The following CPA6 variants were observed in gnomAD, a reference collection of about 807,000 sequenced individuals.
CPA6 encodes the protein carboxypeptidase A6.
A neutral mutation model predicts 63.3 loss-of-function variants in CPA6; 58 were observed. The ratio of observed to expected loss-of-function variants is 0.92; its 90% CI spans 0.74 to 1.14. CPA6 has a LOEUF of 1.14. CPA6 is among the 50% of genes most tolerant of loss of function. The pLI, the probability that CPA6 is intolerant of heterozygous loss-of-function variation, is 0.00. For missense variants in CPA6, 565 were observed against 526.6 expected (o/e 1.07, Z -0.71); for synonymous variants, 185 against 179.0 (o/e 1.03, Z -0.27).
chr8:67,508,700 C>T (rs1471828591), intron 5 of CPA6, among the ~76,000 whole-genome samples: 5 of 151,926 alleles, frequency 3.3e-5, no homozygotes, highest in African/African-American at 1.2e-4. Flanking sequence ...GCTGGTGAGT[C>T]AAAGTCTGAA....
At chr8:67,601,416 A>C (rs1483782974) in intron 2 of CPA6, among the ~76,000 whole-genome samples, 1 of 152,186 alleles carries the variant, frequency 6.6e-6, no homozygotes, top group Non-Finnish European at 1.5e-5. Flanking sequence ...ACAGCACTGG[A>C]AACATTCAGT....
At chr8:67,689,472 A>G (rs1196236311) in intron 1 of CPA6, among the ~76,000 whole-genome samples, 1 of 152,094 alleles carries the variant, frequency 6.6e-6, no homozygotes, top group East Asian at 1.9e-4. Flanking sequence ...TCCCATCTTT[A>G]TGGCCATGAG....
chr8:67,551,912 A>G (rs939583052), intron 2 of CPA6, among the ~76,000 whole-genome samples: 1 of 152,246 alleles, frequency 6.6e-6, no homozygotes, highest in Non-Finnish European at 1.5e-5. Context: ...CTGGAATTAT[A>G]TTAAAGCCTA....
chr8:67,522,012 C>T (rs1043426853), intron 2 of CPA6, among the ~76,000 whole-genome samples: 1 of 152,098 alleles, frequency 6.6e-6, no homozygotes, highest in Non-Finnish European at 1.5e-5. Flanking sequence ...AGGAGACAGA[C>T]AAATTCCTAG....
intron 4 of CPA6, among the ~76,000 whole-genome samples, chr8:67,510,263 T>C (rs186680603): frequency 6.6e-6 from 1 of 152,160 alleles, no homozygotes; most frequent in African/African-American, 2.4e-5. Context: ...AAAAGCCTTA[T>C]AAGGTGTAAA....
At position 67,638,519 on chromosome 8, in the gene CPA6, A is replaced by T. The variant is rs925715718; in HGVS notation, c.117-14268T>A. On this transcript the variant is annotated intron_variant, in intron 1 of 10. Transcript: ENST00000297770. Reference sequence around the variant, plus strand: ...AGTCCTCACTGTGATGTGCTGCTCAAGTCACCCCTGCAGAACAGAGGTCTG... The same window carrying T: ...AGTCCTCACTGTGATGTGCTGCTCATGTCACCCCTGCAGAACAGAGGTCTG... 1.2e-4 allele frequency among the ~76,000 whole-genome samples: 18 copies of T among 151,630 alleles called. 1 individual carries two copies. Among genetic ancestry groups the T allele is most frequent in the African/African-American group, 3.9e-4 (16 of 40,942 alleles).
At chr8:67,548,361 C>T (rs1162786561) in intron 2 of CPA6, among the ~76,000 whole-genome samples, 1 of 151,704 alleles carries the variant, frequency 6.6e-6, no homozygotes, top group East Asian at 1.9e-4. Context: ...AAACACCTCT[C>T]CTGCCTCAGC....
intron 1 of CPA6, among the ~76,000 whole-genome samples, chr8:67,721,022 ATTTACT>A (rs1002278896): frequency 1.3e-5 from 2 of 152,222 alleles, no homozygotes; most frequent in African/African-American, 4.8e-5. Context: ...TTGAACAAAC[ATTTACT>A]TATACTCTCC....
At chr8:67,587,836 G>A (rs920151748) in intron 2 of CPA6, among the ~76,000 whole-genome samples, 3 of 152,158 alleles carry the variant, frequency 2.0e-5, no homozygotes, top group Admixed American at 6.5e-5. Context: ...TGATGAGAGC[G>A]ATTGAAGCTG....
chr8:67,583,026 A>G (rs1001522835), intron 2 of CPA6, among the ~76,000 whole-genome samples: 2 of 152,124 alleles, frequency 1.3e-5, no homozygotes, highest in African/African-American at 4.8e-5. Context: ...AGGATCAAGT[A>G]TTGATATCTG....
chr8:67,703,091 C>T (rs1817059129), intron 1 of CPA6, among the ~76,000 whole-genome samples: 1 of 152,166 alleles, frequency 6.6e-6, no homozygotes, highest in Admixed American at 6.5e-5. Flanking sequence ...TATTTTGGTG[C>T]CATGTGACTT....
At position 67,684,968 on chromosome 8, in the gene CPA6, C is replaced by T. The variant is rs76395477; in HGVS notation, c.117-60717G>A. Among the ~76,000 whole-genome samples, 25 of 152,262 alleles carry T rather than the reference C, an allele frequency of 1.6e-4. No individual in the cohort carries two copies. The East Asian group carries it at 4.4e-3, about 27-fold the overall frequency. On this transcript the variant is annotated intron_variant, in intron 1 of 10. Coordinates refer to ENST00000297770, the MANE Select transcript of CPA6 (RefSeq NM_020361.5). ...TCCACCCACTTACCCTGCCCTGCTC[C>T]TTGGCTATACATTCCCAACTTGCCC...
chr8:67,614,773 GA>G (rs1486956521), intron 2 of CPA6, among the ~76,000 whole-genome samples: 4 of 152,114 alleles, frequency 2.6e-5, no homozygotes, highest in Admixed American at 2.0e-4. Context: ...ATGCCTCCAG[GA>G]AGATGGTGCC....
intron 2 of CPA6, among the ~76,000 whole-genome samples, chr8:67,518,274 A>G (rs1475810072): frequency 6.4e-4 from 98 of 152,190 alleles, no homozygotes; most frequent in Admixed American, 6.4e-3. Context: ...TAATAGTTTG[A>G]AGACCAATAT....
chr8:67,670,284 G>T (rs900458845), intron 1 of CPA6, among the ~76,000 whole-genome samples: 5 of 152,190 alleles, frequency 3.3e-5, no homozygotes, highest in African/African-American at 1.2e-4. Context: ...GAAGGTGAGG[G>T]GGAAGCAGGC....
chr8:67,700,100 A>G (rs1243126985), intron 1 of CPA6, among the ~76,000 whole-genome samples: 1 of 152,204 alleles, frequency 6.6e-6, no homozygotes, highest in Non-Finnish European at 1.5e-5. Context: ...GAGTTTTTTT[A>G]AACATACTTC....
intron 8 of CPA6, among the ~76,000 whole-genome samples, chr8:67,440,171 G>A (rs1810258717): frequency 6.6e-6 from 1 of 152,144 alleles, no homozygotes; most frequent in Admixed American, 6.5e-5. Context: ...GAATTCTCTA[G>A]GGAAGAATCC....
chr8:67,661,081 A>G (rs1480005979), intron 1 of CPA6, among the ~76,000 whole-genome samples: 3 of 152,222 alleles, frequency 2.0e-5, no homozygotes, highest in East Asian at 1.9e-4. Context: ...CTCACACACA[A>G]TAAGTAAAAT....
chr8:67,522,699 C>T (rs1407422265), intron 2 of CPA6, among the ~76,000 whole-genome samples: 1 of 152,236 alleles, frequency 6.6e-6, no homozygotes, highest in African/African-American at 2.4e-5. Context: ...CCTGGGGCTT[C>T]ACTGTTGCTG....
Sources: gnomAD v4.1 joint callset for allele counts (sites outside exome capture counted in the v4.1 genomes callset) on GRCh38, gnomAD v4.1.1 for gene constraint, MANE v1.5 for transcripts, NCBI Gene and HGNC (gene_info 2026-07-23, HGNC 2026-07-21) for gene names.